Variants in CACNA2D3 observed in about 807,000 individuals in gnomAD.
CACNA2D3 encodes the protein voltage-dependent calcium channel subunit alpha-2/delta-3.
In CACNA2D3, 60 loss-of-function variants were observed where a neutral mutation model predicts 160.6. That is an observed-to-expected ratio of 0.37 (90% CI 0.30 to 0.46). The LOEUF is 0.46. Ranked by LOEUF, CACNA2D3 falls within the 20% of genes least tolerant of loss-of-function variation. The probability of loss-of-function intolerance (pLI) is 1.00; values close to 1 mark genes in which losing one functional copy is unlikely to be tolerated. For synonymous variants in CACNA2D3, 558 were observed against 492.9 expected (o/e 1.13, Z -1.75); for missense variants, 1,205 against 1,365.0 (o/e 0.88, Z 1.85).
At chr3:54,460,416 G>A (rs1401287917) in intron 4 of CACNA2D3, among the ~76,000 whole-genome samples, 1 of 152,170 alleles carries the variant, frequency 6.6e-6, no homozygotes, top group African/African-American at 2.4e-5. Context: ...AGCATGGAAT[G>A]TTCTTCCATT....
intron 26 of CACNA2D3, among the ~76,000 whole-genome samples, chr3:54,899,403 T>C (rs1575540168): frequency 6.6e-6 from 1 of 152,302 alleles, no homozygotes; most frequent in South Asian, 2.1e-4. Flanking sequence ...AAAGCCCTCA[T>C]ACAGCTCTTC....
intron 11 of CACNA2D3, among the ~76,000 whole-genome samples, chr3:54,708,136 T>G (rs1021543034): frequency 2.0e-5 from 3 of 152,148 alleles, no homozygotes; most frequent in African/African-American, 7.2e-5. Context: ...GGCCTTATAT[T>G]CCTGGCCTCG....
At chr3:54,494,969 C>G (rs1282504003) in intron 4 of CACNA2D3, among the ~76,000 whole-genome samples, 1 of 152,182 alleles carries the variant, frequency 6.6e-6, no homozygotes, top group Non-Finnish European at 1.5e-5. Flanking sequence ...GTCCCTCCCT[C>G]GACACCTGGG....
At chr3:54,635,121 G>C (rs1315024502) in intron 10 of CACNA2D3, among the ~76,000 whole-genome samples, 2 of 151,868 alleles carry the variant, frequency 1.3e-5, no homozygotes, top group Non-Finnish European at 2.9e-5. Context: ...TATGGTAAGG[G>C]GTGATATTGT....
At chr3:54,781,030 T>G (rs1415385715) in intron 13 of CACNA2D3, among the ~76,000 whole-genome samples, 4 of 152,274 alleles carry the variant, frequency 2.6e-5, no homozygotes. Flanking sequence ...TGGGTCTTTT[T>G]ATTTAGAAAA....
intron 35 of CACNA2D3, among the ~76,000 whole-genome samples, chr3:55,027,836 C>T (rs906550466): frequency 2.0e-5 from 3 of 152,156 alleles, no homozygotes; most frequent in South Asian, 2.1e-4. Context: ...CTCAAGGCAG[C>T]GATTACTTTC....
Position 54,987,680 on chromosome 3 carries a change from T to A in CACNA2D3, c.2620-3T>A. On this transcript the variant is annotated splice_region_variant and splice_polypyrimidine_tract_variant and intron_variant, in intron 30 of 37. Transcript: ENST00000474759. ...ACCTCCTCATATGTCTTCTTCCCCA[T>A]AGACTGGAGACTTTTTTGGTGAGAT... 1 of 1,599,982 alleles carries A rather than the reference T, an allele frequency of 6.3e-7. No homozygotes were observed. Among genetic ancestry groups the A allele is most frequent in the Non-Finnish European group, 8.5e-7 (1 of 1,173,948 alleles).
intron 2 of CACNA2D3, among the ~76,000 whole-genome samples, chr3:54,219,934 A>G (rs1017828318): frequency 6.6e-6 from 1 of 152,176 alleles, no homozygotes; most frequent in Non-Finnish European, 1.5e-5. Context: ...TTACTAACCG[A>G]GAGATACTTG....
At chr3:54,693,353 T>C (rs1348416666) in intron 11 of CACNA2D3, among the ~76,000 whole-genome samples, 1 of 152,254 alleles carries the variant, frequency 6.6e-6, no homozygotes, top group African/African-American at 2.4e-5. Context: ...CCACCTAGGC[T>C]GCAGCCATCC....
chr3:55,025,085 T>C (rs1703537256), intron 35 of CACNA2D3, among the ~76,000 whole-genome samples: 1 of 152,234 alleles, frequency 6.6e-6, no homozygotes, highest in Non-Finnish European at 1.5e-5. Flanking sequence ...GAGTTAGGGT[T>C]CTTATTTCTA....
intron 35 of CACNA2D3, among the ~76,000 whole-genome samples, chr3:55,038,907 TAC>T (rs756941725): frequency 3.5e-5 from 4 of 113,068 alleles, no homozygotes; most frequent in East Asian, 3.0e-4. Flanking sequence ...TATATATATA[TAC>T]ACACACTGAA....
chr3:55,006,464 C>T (rs1464121540), intron 32 of CACNA2D3, among the ~76,000 whole-genome samples: 1 of 152,150 alleles, frequency 6.6e-6, no homozygotes, highest in Non-Finnish European at 1.5e-5. Flanking sequence ...CTGACCAGCC[C>T]GGTCTTTTTG....
At chr3:55,067,465 G>A (rs1306737839) in intron 35 of CACNA2D3, among the ~76,000 whole-genome samples, 29 of 152,174 alleles carry the variant, frequency 1.9e-4, no homozygotes, top group Non-Finnish European at 5.9e-5. Context: ...TATAGCTGTG[G>A]TAAGAGTTTA....
At chr3:54,210,336 C>T (rs1212507546) in intron 2 of CACNA2D3, among the ~76,000 whole-genome samples, 2 of 152,094 alleles carry the variant, frequency 1.3e-5, no homozygotes, top group Non-Finnish European at 2.9e-5. Context: ...TTTAATCAAA[C>T]AGTTCTTAGG....
chr3:54,706,082 C>A (rs1405162783), intron 11 of CACNA2D3, among the ~76,000 whole-genome samples: 1 of 152,182 alleles, frequency 6.6e-6, no homozygotes, highest in African/African-American at 2.4e-5. Flanking sequence ...AGCCTCATTC[C>A]CACATTGAAG....
chr3:54,615,040 A>G (rs1698821901), intron 9 of CACNA2D3, among the ~76,000 whole-genome samples: 1 of 152,212 alleles, frequency 6.6e-6, no homozygotes, highest in South Asian at 2.1e-4. Flanking sequence ...AAAGAAATGA[A>G]CGGCAGCTAA....
chr3:55,036,061 T>C (rs1703809681), intron 35 of CACNA2D3, among the ~76,000 whole-genome samples: 1 of 152,188 alleles, frequency 6.6e-6, no homozygotes, highest in African/African-American at 2.4e-5. Context: ...CAAGTAAAGT[T>C]TGACAGGGTA....
At chr3:54,700,833 T>G (rs920192654) in intron 11 of CACNA2D3, among the ~76,000 whole-genome samples, 1 of 152,206 alleles carries the variant, frequency 6.6e-6, no homozygotes, top group African/African-American at 2.4e-5. Context: ...AGTCCCTTTG[T>G]ATAGGGCTGG....
intron 9 of CACNA2D3, among the ~76,000 whole-genome samples, chr3:54,618,014 C>G (rs1698892981): frequency 6.6e-6 from 1 of 150,846 alleles, no homozygotes; most frequent in South Asian, 2.1e-4. Flanking sequence ...CTTTCATAGA[C>G]TAAAAATACA....
Sources: allele counts gnomAD v4.1 joint callset (sites outside exome capture counted in the v4.1 genomes callset), GRCh38; gene constraint gnomAD v4.1.1; transcripts MANE v1.5; gene names NCBI Gene and HGNC (gene_info 2026-07-23, HGNC 2026-07-21).